Variants in THSD1 observed in about 807,000 individuals in gnomAD.
THSD1 encodes thrombospondin type-1 domain-containing protein 1.
THSD1 carries 34 observed loss-of-function variants against 46.3 expected under a neutral mutation model. The ratio of observed to expected loss-of-function variants is 0.74; its 90% confidence interval spans 0.56 to 0.98. THSD1 has a LOEUF of 0.98. Ranked by LOEUF, THSD1 falls within the 50% of genes least tolerant of loss-of-function variation. THSD1 has a pLI of 0.00. For synonymous variants in THSD1, 407 were observed against 416.5 expected, an observed-to-expected ratio of 0.98 and a Z score of 0.28; for missense variants, 1,023 against 1,058.3, an observed-to-expected ratio of 0.97 and a Z score of 0.46.
rs67802176 is a variant in THSD1 at position 52,403,938 on chromosome 13, A to ATTTTTTTTTTT, written c.-81-1268_-81-1258dup. Among the ~76,000 whole-genome samples the ATTTTTTTTTTT allele has an allele frequency of 2.3e-4, 15 of 63,922 alleles. 3 individuals are homozygous for ATTTTTTTTTTT. The East Asian group carries it at 6.6e-3, about 28-fold the overall frequency. The allele number at this position is 63,922 out of a possible 152,430, so 41.9% of individuals were successfully genotyped here. A position where few individuals can be genotyped will look rare whatever the true frequency, so the allele number is the denominator to read the frequency against. On this transcript the variant is annotated intron_variant, in intron 1 of 4. Transcript: ENST00000258613. ...GTTTAAGGTCCCCCCCATTATTCACATTTTTTTTTTTTTTTTTTTTTTTTT... is the reference window on the plus strand; with the variant it reads ...GTTTAAGGTCCCCCCCATTATTCACATTTTTTTTTTTTTTTTTTTTTTTTTTTTTTTTTTTT...
Position 52,377,908 on chromosome 13 carries a change from A to G in THSD1, c.2062T>C (p.Cys688Arg). ...APAYSSRTRT[C>R]EQAEDRFRPQ... ...CTAAATCTGTCCTCTGCCTGCTCGC[A>G]GGTCCGCGTCCTAGAGCTGTAGGCA... is the stretch of plus-strand genomic sequence containing the variant. The change falls in exon 5 of 5, where the codon TGC (cysteine) becomes CGC (arginine). Residue 688 changes from cysteine to arginine, a missense_variant. Cys to Arg is a radical substitution (Grantham distance 180). Coordinates refer to ENST00000258613, the MANE Select transcript of THSD1 (RefSeq NM_018676.4). 1.9e-6 allele frequency: 3 copies of G among 1,614,186 alleles called. No homozygotes were observed. Among genetic ancestry groups the G allele is most frequent in the Non-Finnish European group, 2.5e-6 (3 of 1,180,024 alleles).
In THSD1 at chr13:52,377,277, A is replaced by T. The variant is rs1957639912; in HGVS notation, c.*134T>A. 1.5e-5 allele frequency: 20 copies of T among 1,337,534 alleles called. No individual in the cohort carries two copies. The highest frequency in any genetic ancestry group is 1.9e-5 in the Non-Finnish European group (20 of 1,039,442). 82.9% of individuals were successfully genotyped at this position (1,337,534 alleles called of 1,614,324 possible). A position where few individuals can be genotyped will look rare whatever the true frequency, so the allele number is the denominator to read the frequency against. The stretch of plus-strand genomic sequence containing the variant: ...ATTTCTTCCTTGTGAATTCAAACAC[A>T]TGCATACACACACATCCTCCTCTGT... On this transcript the variant is annotated 3_prime_UTR_variant, in exon 5 of 5. Transcript: ENST00000258613.
chr13:52,399,950 C>A, intron 2 of THSD1: 1 of 158,330 alleles, frequency 6.3e-6, no homozygotes, highest in South Asian at 1.7e-4. Context: ...TTCTGTGGTC[C>A]ATTTAAGAAT....
Position 52,397,783 on chromosome 13 carries a change from G to T in THSD1, c.470C>A (p.Pro157Gln), listed in dbSNP as rs377383416. 2.5e-6 allele frequency: 4 copies of T among 1,614,094 alleles called. No individual in the cohort carries two copies. The African/African-American group carries it at 5.3e-5, about 22-fold the overall frequency. ...VGLFTSQPLC[P>Q]FPVDKPNIVV... ...GATGTTGGGCTTGTCCACAGGAAAC[G>T]GGCACAGTGGTTGACTGGTAAATAG... Residue 157 changes from proline (P) to glutamine (Q), a missense_variant, in exon 3 of 5, where the codon CCG becomes CAG. Physicochemically the swap from Pro to Gln is moderately conservative, Grantham distance 76. This residue lies in a region of THSD1 where 429 missense variants were observed against 518.3 expected (regional missense o/e 0.83). Coordinates refer to ENST00000258613, the MANE Select transcript of THSD1 (RefSeq NM_018676.4).
At chr13:52,379,724 C>T (rs1376629882) in intron 4 of THSD1, among the ~76,000 whole-genome samples, 1 of 151,820 alleles carries the variant, frequency 6.6e-6, no homozygotes, top group South Asian at 2.1e-4. Flanking sequence ...CTGCCCACCT[C>T]GGCCTCCCAA....
chr13:52,378,457 G>T lies in THSD1; in HGVS notation c.1513C>A (p.Pro505Thr). The change falls in exon 5 of 5, where the codon CCT becomes ACT. Residue 505 changes from proline to threonine, a missense_variant. Pro to Thr is a conservative substitution (Grantham distance 38, BLOSUM62 -1). Coordinates refer to ENST00000258613, the MANE Select transcript of THSD1 (RefSeq NM_018676.4). The part of the protein sequence containing the change: ...PLTYRRSGPV[P>T]PEDDASGSES... The stretch of plus-strand genomic sequence containing the variant: ...CTGCCAGAGGCATCATCCTCGGGAG[G>T]TACCGGCCCGCTCCGCCTGTAGGTC... The T allele has an allele frequency of 1.2e-6, 2 of 1,614,172 alleles. No homozygotes were observed. The highest frequency in any genetic ancestry group is 8.5e-7 in the Non-Finnish European group (1 of 1,180,038).
In THSD1 at chr13:52,393,321, T is replaced by C. The variant is rs566945639; in HGVS notation, c.1021+3911A>G. Among the ~76,000 whole-genome samples, 5 of 152,346 alleles carry C rather than the reference T, an allele frequency of 3.3e-5. No individual in the cohort carries two copies. In the East Asian group the frequency reaches 7.7e-4, roughly 23 times the overall value. On this transcript the variant is annotated intron_variant, in intron 3 of 4. Coordinates refer to ENST00000258613, the MANE Select transcript of THSD1 (RefSeq NM_018676.4). ...AATCACTGTGTAAATATTTATCCCA[T>C]TAAGTGGAATAAAGATTATAAATAG...
At position 52,389,254 on chromosome 13, in the gene THSD1, C is replaced by T. The variant is rs548880636; in HGVS notation, c.1022-3068G>A. 2.2e-4 allele frequency among the ~76,000 whole-genome samples: 34 copies of T among 152,158 alleles called. No individual in the cohort carries two copies. In the South Asian group the frequency reaches 3.5e-3, roughly 16 times the overall value. On this transcript the variant is annotated intron_variant, in intron 3 of 4. Coordinates refer to ENST00000258613, the MANE Select transcript of THSD1 (RefSeq NM_018676.4). ...CTGGGATTACAGGTGTGAGCCATGG[C>T]GCCCAGCCCACTAAATACATTTTTA...
At chr13:52,392,205 AAAAAAAG>A (rs1416041599) in intron 3 of THSD1, among the ~76,000 whole-genome samples, 1 of 151,424 alleles carries the variant, frequency 6.6e-6, no homozygotes, top group African/African-American at 2.4e-5. Flanking sequence ...AAAAAAAAAA[AAAAAAAG>A]TAAAATCATA....
At chr13:52,387,589 C>T (rs1335631443) in intron 3 of THSD1, among the ~76,000 whole-genome samples, 1 of 151,960 alleles carries the variant, frequency 6.6e-6, no homozygotes, top group African/African-American at 2.4e-5. Context: ...AAAAGGTGAA[C>T]AAGATGCATA....
intron 4 of THSD1, among the ~76,000 whole-genome samples, chr13:52,379,115 G>C (rs891353547): frequency 2.0e-5 from 3 of 152,058 alleles, no homozygotes; most frequent in Non-Finnish European, 2.9e-5. Context: ...ACCCGCCTTG[G>C]CCTCCCAAAG....
chr13:52,384,165 CAA>C (rs1566962560), intron 4 of THSD1: 2 of 275,072 alleles, frequency 7.3e-6, no homozygotes, highest in East Asian at 9.3e-5. Flanking sequence ...GCCTGGGCAA[CAA>C]GAGCGAAACT....
intron 3 of THSD1, among the ~76,000 whole-genome samples, chr13:52,396,944 G>A (rs1343449477): frequency 1.3e-5 from 2 of 152,138 alleles, no homozygotes; most frequent in Admixed American, 6.5e-5. Flanking sequence ...TAAATGCCAG[G>A]CACTATCCTG....
chr13:52,395,671 T>A (rs1425736852), intron 3 of THSD1, among the ~76,000 whole-genome samples: 1 of 151,992 alleles, frequency 6.6e-6, no homozygotes, highest in Non-Finnish European at 1.5e-5. Context: ...CCAAGGAGAC[T>A]GTGAAGAAGC....
chr13:52,394,952 G>T (rs763322558), intron 3 of THSD1, among the ~76,000 whole-genome samples: 1 of 152,222 alleles, frequency 6.6e-6, no homozygotes, highest in Non-Finnish European at 1.5e-5. Context: ...TCCAGGAGAG[G>T]AACTGAACCT....
At chr13:52,383,961 G>C (rs944501718) in intron 4 of THSD1, 4 of 193,020 alleles carry the variant, frequency 2.1e-5, no homozygotes, top group African/African-American at 9.5e-5. Context: ...CCAGCACTTT[G>C]GGAGGCCGAG....
chr13:52,404,979 CATA>C (rs1957895697), intron 1 of THSD1, among the ~76,000 whole-genome samples: 1 of 152,166 alleles, frequency 6.6e-6, no homozygotes, highest in South Asian at 2.1e-4. Flanking sequence ...TAACATTAGT[CATA>C]ATATGTCTCT....
chr13:52,400,829 T>C (rs1042182899), intron 2 of THSD1, among the ~76,000 whole-genome samples: 2 of 152,200 alleles, frequency 1.3e-5, no homozygotes, highest in Non-Finnish European at 1.5e-5. Context: ...AGTAAGAAAT[T>C]TTGCTATTAA....
At position 52,402,570 on chromosome 13, in the gene THSD1, G is replaced by C. The variant is rs1957872948; in HGVS notation, c.31C>G (p.Leu11Val). MKPMLKDFSN[L>V]LLVVLCDYVL... ...TAGTCACAGAGTACCACCAACAATA[G>C]ATTTGAAAAGTCTTTCAACATTGGT... The change falls in exon 2 of 5, where the codon CTA becomes GTA. Residue 11 changes from leucine to valine, a missense_variant. Physicochemically the swap from Leu to Val is conservative, Grantham distance 32. Around this residue, in one of 3 missense-constraint regions of THSD1, gnomAD observed 429 missense variants for 518.3 expected, o/e 0.83. Coordinates refer to ENST00000258613, the MANE Select transcript of THSD1 (RefSeq NM_018676.4). The C allele has an allele frequency of 8.7e-6, 14 of 1,613,690 alleles. No individual in the cohort carries two copies. The highest frequency in any genetic ancestry group is 1.2e-5 in the Non-Finnish European group (14 of 1,179,866).
Sources: allele counts gnomAD v4.1 joint callset (sites outside exome capture counted in the v4.1 genomes callset), GRCh38; gene constraint gnomAD v4.1.1; regional missense constraint gnomAD v4.1.1; transcripts MANE v1.5; gene names NCBI Gene and HGNC (gene_info 2026-07-23, HGNC 2026-07-21).